The following SOX5 variants were observed in gnomAD, a reference collection of about 807,000 sequenced individuals.
SOX5 encodes transcription factor SOX-5.
Under a neutral mutation model 92.0 loss-of-function variants are expected in SOX5, and 9 were observed. The observed-to-expected ratio is 0.10, with a 90% confidence interval of 0.06 to 0.17. The LOEUF is 0.17. Among genes scored for constraint, SOX5 ranks in the 10% least tolerant of loss-of-function variants. The pLI, the probability that SOX5 is intolerant of heterozygous loss-of-function variation, is 1.00. For missense variants in SOX5, 642 were observed against 944.5 expected (o/e 0.68, Z 4.20); for synonymous variants, 344 against 336.3 (o/e 1.02, Z -0.25).
chr12:23,993,743 G>A (rs1950766437), intron 4 of SOX5, among the ~76,000 whole-genome samples: 1 of 152,126 alleles, frequency 6.6e-6, no homozygotes, highest in African/African-American at 2.4e-5. Flanking sequence ...AATGTTTCTG[G>A]CTGGCTGGAG....
chr12:24,005,834 T>A (rs962475732), intron 4 of SOX5, among the ~76,000 whole-genome samples: 2 of 152,176 alleles, frequency 1.3e-5, no homozygotes, highest in Non-Finnish European at 2.9e-5. Context: ...AGAAGCTAAA[T>A]ATAGCAAAAT....
At chr12:23,682,629 T>C (rs1319050311) in intron 6 of SOX5, among the ~76,000 whole-genome samples, 3 of 151,794 alleles carry the variant, frequency 2.0e-5, no homozygotes, top group African/African-American at 7.2e-5. Flanking sequence ...GAAGCCACTA[T>C]GTTTTTTAAA....
intron 4 of SOX5, among the ~76,000 whole-genome samples, chr12:24,187,958 A>T (rs1007018367): frequency 3.9e-5 from 6 of 152,222 alleles, no homozygotes; most frequent in African/African-American, 1.4e-4. Context: ...TCTTTACTAC[A>T]GCAAAAGGGA....
chr12:24,429,651 C>CA (rs1365408633), intron 1 of SOX5, among the ~76,000 whole-genome samples: 3 of 150,184 alleles, frequency 2.0e-5, no homozygotes, highest in African/African-American at 7.3e-5. Context: ...CACACACACA[C>CA]CCCATGAGCA....
chr12:23,892,802 T>C (rs1310445355), intron 2 of SOX5, among the ~76,000 whole-genome samples: 3 of 152,218 alleles, frequency 2.0e-5, no homozygotes, highest in Non-Finnish European at 2.9e-5. Flanking sequence ...TTAACCTTTT[T>C]GGGTTACAGA....
intron 1 of SOX5, among the ~76,000 whole-genome samples, chr12:24,432,810 A>T (rs1938619197): frequency 6.6e-6 from 1 of 152,178 alleles, no homozygotes; most frequent in Non-Finnish European, 1.5e-5. Context: ...GACTGTCTAA[A>T]AAAAACATCC....
At chr12:23,615,653 A>AT (rs1468633400) in intron 8 of SOX5, among the ~76,000 whole-genome samples, 5 of 149,338 alleles carry the variant, frequency 3.3e-5, no homozygotes, top group Non-Finnish European at 7.4e-5. Flanking sequence ...CTCCAGTTCC[A>AT]TTTATGTTCC....
chr12:23,578,782 A>T (rs1241240122), intron 9 of SOX5, among the ~76,000 whole-genome samples: 2 of 152,144 alleles, frequency 1.3e-5, no homozygotes, highest in Non-Finnish European at 2.9e-5. Context: ...CCCTAGCAAT[A>T]TACTACCTGT....
chr12:24,476,663 A>T (rs1299235719), intron 1 of SOX5, among the ~76,000 whole-genome samples: 2 of 152,088 alleles, frequency 1.3e-5, no homozygotes. Flanking sequence ...CTTCCAAGTT[A>T]CCACACTGCA....
chr12:23,777,407 C>T lies in SOX5; in HGVS notation c.482-21683G>A, dbSNP rs150897049. ...ACAGTAATCAGAATATCAAAAGTTA[C>T]AGGGAACTAGGAGTGATATAATTTC... On this transcript the variant is annotated intron_variant, in intron 3 of 14. Coordinates refer to ENST00000451604, the MANE Select transcript of SOX5 (RefSeq NM_006940.6). Among the ~76,000 whole-genome samples, 1,266 of 152,210 alleles carry T rather than the reference C, an allele frequency of 8.3e-3. 9 individuals are homozygous for T. Among genetic ancestry groups the T allele is most frequent in the Middle Eastern group, 0.027 (8 of 294 alleles).
chr12:23,622,275 G>A (rs2077270119), intron 8 of SOX5, among the ~76,000 whole-genome samples: 1 of 151,078 alleles, frequency 6.6e-6, no homozygotes, highest in African/African-American at 2.4e-5. Flanking sequence ...TTTTATGACT[G>A]CAAATGATAA....
intron 3 of SOX5, among the ~76,000 whole-genome samples, chr12:23,829,957 G>A (rs2135567069): frequency 6.6e-6 from 1 of 152,204 alleles, no homozygotes; most frequent in Non-Finnish European, 1.5e-5. Flanking sequence ...CTCAGCTCCA[G>A]GACCTGCTAT....
At chr12:24,423,493 A>C (rs1309722424) in intron 1 of SOX5, among the ~76,000 whole-genome samples, 1 of 152,226 alleles carries the variant, frequency 6.6e-6, no homozygotes, top group Non-Finnish European at 1.5e-5. Context: ...CATGCTTTCT[A>C]TATGTAGGAA....
chr12:24,013,278 GTTGAC>G (rs1247844644), intron 4 of SOX5, among the ~76,000 whole-genome samples: 2 of 152,098 alleles, frequency 1.3e-5, no homozygotes, highest in African/African-American at 4.8e-5. Flanking sequence ...TCTGAACAGT[GTTGAC>G]TTAACTGCTA....
chr12:24,139,040 A>G (rs569223831), intron 4 of SOX5, among the ~76,000 whole-genome samples: 41 of 152,342 alleles, frequency 2.7e-4, no homozygotes, highest in Middle Eastern at 6.8e-3. Context: ...GACAACAGGC[A>G]TGCAAACTGC....
intron 2 of SOX5, among the ~76,000 whole-genome samples, chr12:23,883,999 T>C (rs1209207882): frequency 6.6e-6 from 1 of 152,138 alleles, no homozygotes; most frequent in Non-Finnish European, 1.5e-5. Context: ...AAGGTTTTCT[T>C]ATAGGTTACT....
At chr12:24,383,129 G>T (rs1184169384) in intron 1 of SOX5, among the ~76,000 whole-genome samples, 2 of 152,086 alleles carry the variant, frequency 1.3e-5, no homozygotes, top group African/African-American at 4.8e-5. Context: ...TATTGCCAAG[G>T]CTGGTCACCA....
intron 3 of SOX5, among the ~76,000 whole-genome samples, chr12:23,796,907 T>TTA (rs35601076): frequency 0.37 from 52,697 of 144,056 alleles, 9,807 homozygotes; most frequent in East Asian, 0.63. Context: ...ATATATATAT[T>TTA]TATATATATA....
intron 2 of SOX5, among the ~76,000 whole-genome samples, chr12:24,313,099 C>T (rs960903055): frequency 4.6e-5 from 7 of 152,136 alleles, no homozygotes; most frequent in African/African-American, 1.7e-4. Context: ...AAGTTACATG[C>T]TCACTGGGCT....
Sources: allele counts gnomAD v4.1 joint callset (sites outside exome capture counted in the v4.1 genomes callset), GRCh38; gene constraint gnomAD v4.1.1; transcripts MANE v1.5; gene names NCBI Gene and HGNC (gene_info 2026-07-23, HGNC 2026-07-21).